The following TMIGD3 variants were observed in gnomAD, a reference collection of about 807,000 sequenced individuals.
TMIGD3 encodes the protein transmembrane and immunoglobulin domain containing 3, also known as AD026 protein (AD026).
A neutral mutation model predicts 28.1 loss-of-function variants in TMIGD3; 21 were observed. That is an observed-to-expected ratio of 0.75 (90% CI 0.53 to 1.08). TMIGD3 has a LOEUF of 1.08. TMIGD3 is among the 50% of genes least tolerant of loss of function. TMIGD3 has a pLI of 0.00. For missense variants in TMIGD3, 416 were observed against 435.6 expected (o/e 0.96, Z 0.40); for synonymous variants, 151 against 162.1 (o/e 0.93, Z 0.52).
intron 1 of TMIGD3, among the ~76,000 whole-genome samples, chr1:111,533,580 G>T (rs1433978160): frequency 6.6e-6 from 1 of 151,986 alleles, no homozygotes; most frequent in Admixed American, 6.6e-5. Flanking sequence ...TTGAGGCAGG[G>T]TCTCACTTTG....
chr1:111,494,208 G>A (rs1168679364), intron 1 of TMIGD3, among the ~76,000 whole-genome samples: 1 of 152,140 alleles, frequency 6.6e-6, no homozygotes, highest in Non-Finnish European at 1.5e-5. Flanking sequence ...AAATGGCCAG[G>A]ACTCAAAGCA....
intron 2 of TMIGD3, among the ~76,000 whole-genome samples, chr1:111,490,045 T>C (rs1278149940): frequency 1.3e-5 from 2 of 152,130 alleles, no homozygotes; most frequent in Non-Finnish European, 2.9e-5. Context: ...ACAAGGAAGA[T>C]AGCATGATCT....
intron 1 of TMIGD3, among the ~76,000 whole-genome samples, chr1:111,496,689 G>A (rs887401587): frequency 1.3e-5 from 2 of 152,164 alleles, no homozygotes; most frequent in Admixed American, 1.3e-4. Context: ...ATGAATCATT[G>A]AATGCTCAAA....
At chr1:111,494,578 A>G (rs558535998) in intron 1 of TMIGD3, among the ~76,000 whole-genome samples, 1 of 152,370 alleles carries the variant, frequency 6.6e-6, no homozygotes, top group East Asian at 1.9e-4. Context: ...AGGAAGAATC[A>G]ATATCATTAA....
At chr1:111,497,357 A>G (rs2800888) in intron 1 of TMIGD3, among the ~76,000 whole-genome samples, 120,010 of 151,990 alleles carry the variant, frequency 0.79, 47,475 homozygotes, top group Middle Eastern at 0.88. Flanking sequence ...TGATCCGCCC[A>G]CCTCGGCCTC....
At chr1:111,507,257 A>AT (rs1166077691), upstream of TMIGD3, among the ~76,000 whole-genome samples, 14 of 148,816 alleles carry the variant, frequency 9.4e-5, no homozygotes, top group East Asian at 7.8e-4. Flanking sequence ...CCCCACCTCT[A>AT]TTTTTTTTTT....
intron 5 of TMIGD3, among the ~76,000 whole-genome samples, chr1:111,484,073 C>T (rs1654245451): frequency 6.6e-6 from 1 of 152,182 alleles, no homozygotes; most frequent in African/African-American, 2.4e-5. Context: ...GGAAGCAGGC[C>T]ATGGCTACAA....
chr1:111,500,028 G>A, intron 1 of TMIGD3: 1 of 1,614,208 alleles, frequency 6.2e-7, no homozygotes, highest in Non-Finnish European at 8.5e-7. Context: ...GGATCAAAAG[G>A]TAGGTTTCCT....
chr1:111,526,538 A>T (rs1656268729), intron 1 of TMIGD3, among the ~76,000 whole-genome samples: 1 of 152,166 alleles, frequency 6.6e-6, no homozygotes, highest in Non-Finnish European at 1.5e-5. Context: ...TAAATTACCC[A>T]GTCTTGGGTA....
intron 3 of TMIGD3, among the ~76,000 whole-genome samples, chr1:111,487,245 G>A (rs1571397579): frequency 6.6e-6 from 1 of 152,218 alleles, no homozygotes; most frequent in East Asian, 1.9e-4. Context: ...TTCAGGTCAA[G>A]TTGCACAGTT....
chr1:111,499,474 C>T, intron 1 of TMIGD3: 1 of 992,920 alleles, frequency 1.0e-6, no homozygotes, highest in Non-Finnish European at 1.2e-6. Flanking sequence ...CAGGTGAATT[C>T]AGCAGTTTAA....
At chr1:111,485,439 G>A in intron 5 of TMIGD3, 1 of 304,826 alleles carries the variant, frequency 3.3e-6, no homozygotes, top group Admixed American at 4.8e-5. Flanking sequence ...CCCGAAGTTT[G>A]TGTGCTGGGG....
intron 1 of TMIGD3, among the ~76,000 whole-genome samples, chr1:111,531,666 T>C (rs1160318425): frequency 6.6e-6 from 1 of 152,178 alleles, no homozygotes; most frequent in Non-Finnish European, 1.5e-5. Flanking sequence ...TTGTGAATTT[T>C]ACCTTGTTAG....
In TMIGD3 at chr1:111,513,919, T is replaced by C. The variant is rs766159616; in HGVS notation, c.108-23157A>G. 2.6e-5 allele frequency among the ~76,000 whole-genome samples: 4 copies of C among 152,080 alleles called. No individual in the cohort carries two copies. In the South Asian group the frequency reaches 6.2e-4, roughly 24 times the overall value. ...TGCAGGGAGGCAGGGCATCCCCTAG[T>C]TGGGGTGCGGTTGCATGGGAGCTGG... On this transcript the variant is annotated intron_variant, in intron 1 of 5. Coordinates refer to the TMIGD3 transcript ENST00000369717.
chr1:111,543,190 T>C (rs1656907754), intron 1 of TMIGD3, among the ~76,000 whole-genome samples: 1 of 152,144 alleles, frequency 6.6e-6, no homozygotes. Context: ...AGTATAGTTT[T>C]TAGAATATTT....
In TMIGD3 at chr1:111,503,084, G is replaced by A; in HGVS notation, c.271C>T (p.Leu91Phe). The change falls in exon 1 of 6, where the codon CTT becomes TTT. Residue 91 changes from leucine (L) to phenylalanine (F), a missense_variant. Coordinates refer to ENST00000369716, the MANE Select transcript of TMIGD3 (RefSeq NM_020683.7). ...ATGATGGAGGCGTGGGTAAAGATAA[G>A]CAGTAGGCAAGTCATAAAAAGGCAG... ...YSCLFMTCLLLIFTHASIMSL... is the reference protein window; with the variant it reads ...YSCLFMTCLLFIFTHASIMSL... The A allele has an allele frequency of 6.2e-7, 1 of 1,614,176 alleles. No homozygotes were observed. Among genetic ancestry groups the A allele is most frequent in the Non-Finnish European group, 8.5e-7 (1 of 1,180,024 alleles).
chr1:111,541,680 AAGAGAG>A (rs542526147), intron 1 of TMIGD3, among the ~76,000 whole-genome samples: 1,665 of 142,966 alleles, frequency 0.012, 18 homozygotes, highest in South Asian at 0.015. Context: ...GAGAGAGAGA[AAGAGAG>A]AGAGAGAGAA....
intron 1 of TMIGD3, among the ~76,000 whole-genome samples, chr1:111,494,413 C>A (rs1390062543): frequency 1.3e-5 from 2 of 152,098 alleles, no homozygotes; most frequent in Non-Finnish European, 2.9e-5. Flanking sequence ...TCCTATAAAC[C>A]AAGAACAGCC....
chr1:111,553,100 C>A (rs891630111), intron 1 of TMIGD3, among the ~76,000 whole-genome samples: 2 of 152,200 alleles, frequency 1.3e-5, no homozygotes, highest in Admixed American at 1.3e-4. Flanking sequence ...AACAATTTCT[C>A]ATTAATTTCT....
Sources: gnomAD v4.1 joint callset for allele counts (sites outside exome capture counted in the v4.1 genomes callset) on GRCh38, gnomAD v4.1.1 for gene constraint, MANE v1.5 for transcripts, NCBI Gene and HGNC (gene_info 2026-07-23, HGNC 2026-07-21) for gene names.